Variants in CDK14 observed in about 807,000 individuals in gnomAD.
CDK14 encodes the protein cyclin dependent kinase 14.
CDK14 carries 34 observed loss-of-function variants against 60.7 expected under a neutral mutation model. The observed-to-expected ratio is 0.56, with a 90% CI of 0.43 to 0.75. The LOEUF is 0.75. Ranked by LOEUF, CDK14 falls within the 30% of genes least tolerant of loss-of-function variation. The pLI is 0.00. For synonymous variants in CDK14, 197 were observed against 203.7 expected, an observed-to-expected ratio of 0.97 and a Z score of 0.28; for missense variants, 482 against 564.1, an observed-to-expected ratio of 0.85 and a Z score of 1.47.
chr7:91,046,506 A>G (rs1797241132), intron 11 of CDK14, among the ~76,000 whole-genome samples: 4 of 152,192 alleles, frequency 2.6e-5, no homozygotes, highest in Admixed American at 2.6e-4. Flanking sequence ...TGAACTTTTA[A>G]AGTAAGTTGT....
chr7:90,863,500 T>C (rs1308389408), intron 6 of CDK14, among the ~76,000 whole-genome samples: 1 of 152,202 alleles, frequency 6.6e-6, no homozygotes, highest in East Asian at 1.9e-4. Context: ...TCAGATATGT[T>C]ATCTATTTAT....
chr7:91,117,450 C>T (rs191673896), intron 13 of CDK14, among the ~76,000 whole-genome samples: 176 of 152,108 alleles, frequency 1.2e-3, no homozygotes, highest in Non-Finnish European at 1.9e-3. Flanking sequence ...ATATTTTGTG[C>T]TTGCTCTCCC....
At chr7:90,914,201 C>T (rs1020665531) in intron 7 of CDK14, among the ~76,000 whole-genome samples, 1 of 152,128 alleles carries the variant, frequency 6.6e-6, no homozygotes, top group Non-Finnish European at 1.5e-5. Flanking sequence ...ATGCTCAACT[C>T]GTTCCTTTTG....
At chr7:91,184,061 A>C (rs114125150) in intron 14 of CDK14, among the ~76,000 whole-genome samples, 2,558 of 152,082 alleles carry the variant, frequency 0.017, 88 homozygotes, top group African/African-American at 0.057. Context: ...CAGGCGCTTA[A>C]AATTACATTT....
chr7:91,076,704 C>A (rs1482177122), intron 11 of CDK14, among the ~76,000 whole-genome samples: 1 of 152,012 alleles, frequency 6.6e-6, no homozygotes, highest in African/African-American at 2.4e-5. Context: ...ATAGAGTGAA[C>A]AGAATGAACA....
intron 14 of CDK14, among the ~76,000 whole-genome samples, chr7:91,161,581 A>C (rs957020398): frequency 1.3e-5 from 2 of 152,210 alleles, no homozygotes; most frequent in African/African-American, 2.4e-5. Flanking sequence ...GTGAAGGTTA[A>C]AAAATCATGC....
rs574062426 is a variant in CDK14 at position 90,714,591 on chromosome 7, A to G, written c.124-11976A>G. ...GAAAGATACTTCCATTTTCTCCTCA[A>G]AGGTTCATTGTTCCCAGTGTTCCTC... On this transcript the variant is annotated intron_variant, in intron 2 of 14. Coordinates refer to ENST00000380050, the MANE Select transcript of CDK14 (RefSeq NM_001287135.2). 1.9e-3 allele frequency among the ~76,000 whole-genome samples: 295 copies of G among 152,202 alleles called. 1 individual carries two copies. Among genetic ancestry groups the G allele is most frequent in the African/African-American group, 6.9e-3 (287 of 41,546 alleles).
intron 10 of CDK14, among the ~76,000 whole-genome samples, chr7:90,993,032 T>C (rs1795583400): frequency 6.6e-6 from 1 of 152,070 alleles, no homozygotes; most frequent in Non-Finnish European, 1.5e-5. Flanking sequence ...GAGTAGATGA[T>C]AGTTCAGAAG....
chr7:90,599,253 T>A (rs1487035943), intron 1 of CDK14, among the ~76,000 whole-genome samples: 1 of 152,224 alleles, frequency 6.6e-6, no homozygotes, highest in Non-Finnish European at 1.5e-5. Flanking sequence ...CAGTAAACGT[T>A]CAAGATATGT....
At chr7:90,963,609 A>G (rs944908657) in intron 9 of CDK14, among the ~76,000 whole-genome samples, 2 of 151,644 alleles carry the variant, frequency 1.3e-5, no homozygotes, top group African/African-American at 4.8e-5. Flanking sequence ...ATTCAGAAAC[A>G]GGCATTGCAG....
At position 90,596,722 on chromosome 7, in the gene CDK14, A is replaced by G; in HGVS notation, c.91+4A>G. The G allele has an allele frequency of 6.2e-7, 1 of 1,608,540 alleles. No homozygotes were observed. The highest frequency in any genetic ancestry group is 8.5e-7 in the Non-Finnish European group (1 of 1,176,710). On this transcript the variant is annotated splice_donor_region_variant and intron_variant, in intron 1 of 14. Coordinates refer to ENST00000380050, the MANE Select transcript of CDK14 (RefSeq NM_001287135.2). ...TCGGAGAGTTTCAGTCGCATTGGTG[A>G]GTAGCGCGCTGCCCCCGGCCCCCCC...
chr7:91,152,909 AT>A (rs1257184974), intron 14 of CDK14, among the ~76,000 whole-genome samples: 1 of 152,196 alleles, frequency 6.6e-6, no homozygotes, highest in Non-Finnish European at 1.5e-5. Flanking sequence ...GTTGAGTACC[AT>A]TTTCCATGTA....
chr7:90,770,850 A>G (rs1028176615), intron 4 of CDK14, among the ~76,000 whole-genome samples: 2 of 152,178 alleles, frequency 1.3e-5, no homozygotes, highest in South Asian at 2.1e-4. Context: ...TGACAAGACT[A>G]TCTCCATGAC....
At chr7:90,999,379 G>A (rs1438774965) in intron 10 of CDK14, among the ~76,000 whole-genome samples, 2 of 151,786 alleles carry the variant, frequency 1.3e-5, no homozygotes, top group African/African-American at 4.8e-5. Context: ...ATGAGGTCAG[G>A]AGTTTGAGAC....
Position 91,201,442 on chromosome 7 carries a change from T to C in CDK14, c.*29-5723T>C, listed in dbSNP as rs189992340. 2.1e-4 allele frequency among the ~76,000 whole-genome samples: 32 copies of C among 152,150 alleles called. 1 individual carries two copies. The East Asian group carries it at 6.2e-3, about 29-fold the overall frequency. ...TTAATTTGGAACCAAAATAATCACT[T>C]CTCTCCAGTGAGGCTTAGAGGGGGA... On this transcript the variant is annotated intron_variant, in intron 14 of 14. Transcript: ENST00000380050.
chr7:90,627,385 A>C (rs1000948139), intron 2 of CDK14, among the ~76,000 whole-genome samples: 7 of 151,846 alleles, frequency 4.6e-5, no homozygotes, highest in African/African-American at 1.7e-4. Context: ...AAGTTTTAAA[A>C]ATTTTTTGTA....
intron 5 of CDK14, among the ~76,000 whole-genome samples, chr7:90,812,078 A>T (rs1644724112): frequency 6.6e-6 from 1 of 152,170 alleles, no homozygotes; most frequent in Non-Finnish European, 1.5e-5. Flanking sequence ...AGGGATCTAG[A>T]ACTAGAAATA....
At chr7:90,673,084 G>T (rs947945604) in intron 2 of CDK14, among the ~76,000 whole-genome samples, 3 of 152,012 alleles carry the variant, frequency 2.0e-5, no homozygotes, top group Admixed American at 6.6e-5. Flanking sequence ...AGTTTGTGGA[G>T]CTGGAAATTT....
At chr7:90,651,978 G>T (rs931295448) in intron 2 of CDK14, among the ~76,000 whole-genome samples, 6 of 152,114 alleles carry the variant, frequency 3.9e-5, no homozygotes, top group African/African-American at 1.4e-4. Flanking sequence ...CTGCTTGCCT[G>T]AGTGCCTGCT....
Sources: allele counts gnomAD v4.1 joint callset (sites outside exome capture counted in the v4.1 genomes callset), GRCh38; gene constraint gnomAD v4.1.1; transcripts MANE v1.5; gene names NCBI Gene and HGNC (gene_info 2026-07-23, HGNC 2026-07-21).